Variants in GCA observed in about 807,000 individuals in gnomAD.
GCA encodes the protein grancalcin, EF-hand calcium-binding protein.
In GCA, 30 loss-of-function variants were observed where a neutral mutation model predicts 32.6. That is an observed-to-expected ratio of 0.92 (90% CI 0.69 to 1.25). The LOEUF (loss-of-function observed/expected upper bound fraction) is 1.25, where lower values mean the gene tolerates loss of function less well. Ranked by LOEUF, GCA falls within the 50% of genes most tolerant of loss-of-function variation. GCA has a pLI of 0.00. For missense variants in GCA, 291 were observed against 266.8 expected, an observed-to-expected ratio of 1.09 and a Z score of -0.63; for synonymous variants, 102 against 84.6, an observed-to-expected ratio of 1.21 and a Z score of -1.13.
At chr2:162,363,343 A>T (rs1185273642), downstream of GCA, among the ~76,000 whole-genome samples, 1 of 151,428 alleles carries the variant, frequency 6.6e-6, no homozygotes, top group East Asian at 1.9e-4. Flanking sequence ...GTGTTAGAAG[A>T]TCCCAATTTT....
In GCA at chr2:162,359,481, T is replaced by A; in HGVS notation, c.569-13T>A. On this transcript the variant is annotated splice_polypyrimidine_tract_variant and intron_variant, in intron 6 of 7. Coordinates refer to ENST00000437150, the MANE Select transcript of GCA (RefSeq NM_012198.5). Reference sequence around the variant, plus strand: ...TTTAAATTACAATAAAAAAGTAATTTCTTTGTTTAAAGATTTCTTTAGGAA... The same window carrying A: ...TTTAAATTACAATAAAAAAGTAATTACTTTGTTTAAAGATTTCTTTAGGAA... 1.5e-6 allele frequency: 2 copies of A among 1,363,354 alleles called. No homozygotes were observed. The highest frequency in any genetic ancestry group is 2.1e-6 in the Non-Finnish European group (2 of 970,158). 84.5% of individuals were successfully genotyped at this position (1,363,354 alleles called of 1,614,324 possible).
At chr2:162,370,860 CT>C (rs1685908452) in intron 4 of GCA, among the ~76,000 whole-genome samples, 1 of 152,064 alleles carries the variant, frequency 6.6e-6, no homozygotes, top group Non-Finnish European at 1.5e-5. Context: ...ACCTCCCAAG[CT>C]CAACCCATCC....
chr2:162,356,618 G>A, intron 4 of GCA, 137 bp downstream of exon 4: 5 of 857,016 alleles, frequency 5.8e-6, no homozygotes, highest in Non-Finnish European at 5.6e-6. Context: ...TTAAATTCTA[G>A]GCTTTCTAGT....
intron 5 of GCA, 60 bp downstream of exon 5, chr2:162,356,965 A>G (rs947354283): frequency 1.5e-5 from 18 of 1,169,466 alleles, no homozygotes; most frequent in Non-Finnish European, 1.3e-5. Context: ...TGATTAGATG[A>G]ACTTAATTGC....
intron 5 of GCA, 50 bp from the exon 6 acceptor site, chr2:162,358,994 G>A (rs1685422319): frequency 1.2e-6 from 1 of 824,402 alleles, no homozygotes; most frequent in Non-Finnish European, 2.0e-6. Context: ...CAATCTTGCA[G>A]TGTTCTTATG....
intron 4 of GCA, among the ~76,000 whole-genome samples, chr2:162,370,157 C>T (rs1271362426): frequency 6.6e-6 from 1 of 152,126 alleles, no homozygotes; most frequent in Non-Finnish European, 1.5e-5. Flanking sequence ...GTTTTAGTAA[C>T]TTGAAATAGC....
intron 1 of GCA, 52 bp downstream of exon 1, chr2:162,344,327 C>T (rs1198329101): frequency 5.7e-6 from 9 of 1,586,204 alleles, no homozygotes; most frequent in Non-Finnish European, 7.8e-6. Context: ...GTGTGGCGCC[C>T]CCGGGGGCGG....
chr2:162,342,784 T>C (rs1250841014), upstream of GCA, among the ~76,000 whole-genome samples: 2 of 152,244 alleles, frequency 1.3e-5, no homozygotes, highest in Admixed American at 6.5e-5. Context: ...AGCAGTTCTT[T>C]GAATATGTAG....
chr2:162,371,934 G>A (rs748046524), downstream of GCA: 25 of 1,613,706 alleles, frequency 1.5e-5, no homozygotes, highest in East Asian at 1.3e-4. Flanking sequence ...TTGGATGAAC[G>A]TAAGTTTTTC....
chr2:162,363,390 C>T (rs780785651), downstream of GCA, among the ~76,000 whole-genome samples: 5 of 151,292 alleles, frequency 3.3e-5, no homozygotes, highest in South Asian at 1.0e-3. Context: ...GTGAATTAAG[C>T]ACATCTGAAT....
chr2:162,332,664 T>C (rs1371922969), intron 1 of GCA, among the ~76,000 whole-genome samples: 2 of 152,108 alleles, frequency 1.3e-5, no homozygotes, highest in Admixed American at 6.5e-5. Flanking sequence ...TCCTAGATCA[T>C]TGAAAAAACT....
At chr2:162,368,574 G>A (rs756244117) in intron 4 of GCA, among the ~76,000 whole-genome samples, 8 of 151,746 alleles carry the variant, frequency 5.3e-5, no homozygotes, top group Non-Finnish European at 1.0e-4. Context: ...ATGACATTTC[G>A]ATAAGAACTT....
At chr2:162,372,131 C>G (rs762513333), downstream of GCA, 5 of 1,515,084 alleles carry the variant, frequency 3.3e-6, no homozygotes, top group Non-Finnish European at 2.7e-6. Flanking sequence ...TTTTATAATT[C>G]ACATTGATAG....
At chr2:162,327,957 T>C (rs1472202716) in intron 1 of GCA, among the ~76,000 whole-genome samples, 1 of 152,192 alleles carries the variant, frequency 6.6e-6, no homozygotes, top group Admixed American at 6.5e-5. Flanking sequence ...GTGCTGGCAG[T>C]CCTCACAGCC....
chr2:162,327,111 A>G (rs992785757), intron 1 of GCA, among the ~76,000 whole-genome samples: 7 of 151,990 alleles, frequency 4.6e-5, no homozygotes, highest in African/African-American at 1.5e-4. Context: ...GTTCTGCCCA[A>G]TTGGTCGGCA....
chr2:162,332,978 G>A (rs557944090), intron 1 of GCA, among the ~76,000 whole-genome samples: 9 of 152,038 alleles, frequency 5.9e-5, no homozygotes, highest in Non-Finnish European at 1.3e-4. Flanking sequence ...TTGGAAAGGC[G>A]TTTGAAAGTC....
intron 1 of GCA, among the ~76,000 whole-genome samples, chr2:162,319,614 CA>C (rs1683593962): frequency 1.3e-5 from 2 of 152,100 alleles, no homozygotes; most frequent in South Asian, 4.1e-4. Context: ...AACATATTCA[CA>C]CTGAAAAATG....
intron 5 of GCA, among the ~76,000 whole-genome samples, chr2:162,358,044 C>G (rs1354178917): frequency 2.0e-5 from 3 of 151,328 alleles, no homozygotes; most frequent in African/African-American, 7.3e-5. Context: ...CAATTTATAC[C>G]TTTCCCACAT....
At chr2:162,324,091 G>A (rs1206022784) in intron 1 of GCA, among the ~76,000 whole-genome samples, 5 of 152,102 alleles carry the variant, frequency 3.3e-5, no homozygotes, top group Admixed American at 6.6e-5. Flanking sequence ...TCCGACCCAC[G>A]GCAGTGTCTA....
Sources: gnomAD v4.1 joint callset for allele counts (sites outside exome capture counted in the v4.1 genomes callset) on GRCh38, gnomAD v4.1.1 for gene constraint, MANE v1.5 for transcripts, NCBI Gene and HGNC (gene_info 2026-07-23, HGNC 2026-07-21) for gene names.